Variants in NKAIN2 observed in about 807,000 individuals in gnomAD.
NKAIN2 encodes the protein sodium/potassium transporting ATPase interacting 2.
A neutral mutation model predicts 32.6 loss-of-function variants in NKAIN2; 14 were observed. The observed-to-expected ratio is 0.43, with a 90% CI of 0.28 to 0.67. The LOEUF (loss-of-function observed/expected upper bound fraction) is 0.67. NKAIN2 is among the 30% of genes least tolerant of loss of function. The probability of loss-of-function intolerance (pLI) is 0.17; values close to 1 mark genes in which losing one functional copy is unlikely to be tolerated. For missense variants in NKAIN2, 198 were observed against 258.3 expected (o/e 0.77, Z 1.60); for synonymous variants, 80 against 87.2 (o/e 0.92, Z 0.46).
intron 3 of NKAIN2, among the ~76,000 whole-genome samples, chr6:124,476,713 G>C (rs1422969298): frequency 1.3e-5 from 2 of 152,034 alleles, no homozygotes; most frequent in Non-Finnish European, 2.9e-5. Flanking sequence ...TTTACATCTA[G>C]TTTCCTATAT....
At chr6:124,793,675 TGC>T in intron 5 of NKAIN2, among the ~76,000 whole-genome samples, 1 of 121,444 alleles carries the variant, frequency 8.2e-6, no homozygotes, top group Non-Finnish European at 1.8e-5. Flanking sequence ...CAAGACATAC[TGC>T]TCAAAAAAAA....
At chr6:124,628,496 A>AAAT (rs1290575212) in intron 3 of NKAIN2, among the ~76,000 whole-genome samples, 8 of 152,154 alleles carry the variant, frequency 5.3e-5, no homozygotes, top group Non-Finnish European at 7.3e-5. Flanking sequence ...GATGTATTTA[A>AAAT]AATAGTTAAG....
intron 4 of NKAIN2, among the ~76,000 whole-genome samples, chr6:124,718,412 C>T (rs1054312846): frequency 1.2e-4 from 19 of 152,104 alleles, no homozygotes; most frequent in African/African-American, 4.3e-4. Context: ...ATCAGTATTT[C>T]ATTCATTTTT....
At chr6:124,715,104 G>T (rs916787848) in intron 4 of NKAIN2, among the ~76,000 whole-genome samples, 7 of 152,308 alleles carry the variant, frequency 4.6e-5, no homozygotes, top group African/African-American at 1.7e-4. Flanking sequence ...ATTACCCCTT[G>T]TGGCAATTCC....
chr6:124,801,164 T>C (rs527568085), intron 5 of NKAIN2, among the ~76,000 whole-genome samples: 2 of 152,334 alleles, frequency 1.3e-5, no homozygotes, highest in African/African-American at 4.8e-5. Flanking sequence ...ATTGCCATTT[T>C]CAGCAGCTAA....
chr6:124,427,780 A>G (rs527968767), intron 3 of NKAIN2, among the ~76,000 whole-genome samples: 1 of 152,176 alleles, frequency 6.6e-6, no homozygotes, highest in African/African-American at 2.4e-5. Flanking sequence ...TATAGACCAC[A>G]TATTTCCCTG....
At chr6:124,442,834 A>G (rs532783001) in intron 3 of NKAIN2, among the ~76,000 whole-genome samples, 1 of 152,228 alleles carries the variant, frequency 6.6e-6, no homozygotes, top group African/African-American at 2.4e-5. Context: ...TGGATTTTAC[A>G]TAAACTACCA....
intron 1 of NKAIN2, among the ~76,000 whole-genome samples, chr6:123,904,081 T>A (rs185907354): frequency 6.7e-4 from 101 of 151,794 alleles, no homozygotes; most frequent in Admixed American, 2.3e-3. Flanking sequence ...TACAAAAAAA[T>A]TCAGCCAGAC....
At chr6:124,240,482 T>A (rs1182458938) in intron 1 of NKAIN2, among the ~76,000 whole-genome samples, 1 of 152,058 alleles carries the variant, frequency 6.6e-6, no homozygotes, top group Non-Finnish European at 1.5e-5. Flanking sequence ...TGATCATCAG[T>A]GCAAAAATCC....
At chr6:124,006,744 C>G (rs1382254647) in intron 1 of NKAIN2, among the ~76,000 whole-genome samples, 1 of 152,138 alleles carries the variant, frequency 6.6e-6, no homozygotes, top group African/African-American at 2.4e-5. Flanking sequence ...TTGCAGAAAC[C>G]TGACTCTGGG....
chr6:124,318,469 A>G (rs983695590), intron 2 of NKAIN2, among the ~76,000 whole-genome samples: 2 of 152,048 alleles, frequency 1.3e-5, no homozygotes, highest in African/African-American at 4.8e-5. Flanking sequence ...TAATTATTAA[A>G]GTAAGGATGG....
intron 3 of NKAIN2, among the ~76,000 whole-genome samples, chr6:124,366,130 G>C (rs185848938): frequency 6.6e-6 from 1 of 151,932 alleles, no homozygotes; most frequent in Non-Finnish European, 1.5e-5. Flanking sequence ...TAATAACAAG[G>C]ACAATAGCAG....
At chr6:124,174,148 T>A (rs1197008273) in intron 1 of NKAIN2, among the ~76,000 whole-genome samples, 2 of 152,178 alleles carry the variant, frequency 1.3e-5, no homozygotes, top group Non-Finnish European at 2.9e-5. Flanking sequence ...GAATATTTGA[T>A]ATGAGCGAGG....
intron 3 of NKAIN2, among the ~76,000 whole-genome samples, chr6:124,451,596 C>T (rs186499366): frequency 2.0e-5 from 3 of 152,242 alleles, no homozygotes; most frequent in East Asian, 3.9e-4. Context: ...CATTACACCT[C>T]ACTGAGGATA....
intron 3 of NKAIN2, among the ~76,000 whole-genome samples, chr6:124,453,357 A>ACACACACACG (rs1776192413): frequency 6.8e-6 from 1 of 147,728 alleles, no homozygotes; most frequent in Non-Finnish European, 1.5e-5. Context: ...ACACACACAC[A>ACACACACACG]CACACACACA....
At chr6:124,410,231 G>C (rs527262228) in intron 3 of NKAIN2, among the ~76,000 whole-genome samples, 1 of 152,084 alleles carries the variant, frequency 6.6e-6, no homozygotes, top group East Asian at 1.9e-4. Flanking sequence ...CTTGCCTTCT[G>C]CTAGCTTTTG....
At chr6:124,469,615 C>A (rs140816285) in intron 3 of NKAIN2, among the ~76,000 whole-genome samples, 87 of 152,244 alleles carry the variant, frequency 5.7e-4, no homozygotes, top group Admixed American at 1.1e-3. Context: ...CTTATGAATG[C>A]ATTTAAACTG....
At chr6:124,589,354 C>T (rs1357647084) in intron 3 of NKAIN2, among the ~76,000 whole-genome samples, 3 of 152,174 alleles carry the variant, frequency 2.0e-5, no homozygotes, top group South Asian at 2.1e-4. Context: ...ACTTATTTAC[C>T]GTTCTACCCT....
intron 3 of NKAIN2, chr6:124,490,412 G>GT (rs3052658): frequency 0.077 from 24,025 of 310,338 alleles, 407 homozygotes; most frequent in South Asian, 0.1. Context: ...AATCATAGAG[G>GT]TTTTTTTTTT....
Sources: allele counts gnomAD v4.1 joint callset (sites outside exome capture counted in the v4.1 genomes callset), GRCh38; gene constraint gnomAD v4.1.1; transcripts MANE v1.5; gene names NCBI Gene and HGNC (gene_info 2026-07-23, HGNC 2026-07-21).